Variants in KCNC1 observed in about 807,000 individuals in gnomAD.
KCNC1 encodes the protein potassium voltage-gated channel subfamily C member 1.
A neutral mutation model predicts 43.4 loss-of-function variants in KCNC1; 8 were observed. The ratio of observed to expected loss-of-function variants is 0.18; its 90% CI spans 0.11 to 0.33. The LOEUF (loss-of-function observed/expected upper bound fraction) is 0.33, where lower values mean the gene tolerates loss of function less well. Ranked by LOEUF, KCNC1 falls within the 10% of genes least tolerant of loss-of-function variation. The pLI, the probability that KCNC1 is intolerant of heterozygous loss-of-function variation, is 1.00. For missense variants in KCNC1, 420 were observed against 836.0 expected (o/e 0.50, Z 6.14); for synonymous variants, 361 against 360.5 (o/e 1.00, Z -0.01).
chr11:17,736,621 C>CTG lies in KCNC1; in HGVS notation c.570+52_570+53dup, dbSNP rs774007638. 5.0e-5 allele frequency: 73 copies of CTG among 1,450,018 alleles called. No individual in the cohort carries two copies. In the African/African-American group the frequency reaches 8.0e-4, roughly 16 times the overall value. 89.8% of individuals were successfully genotyped at this position (1,450,018 alleles called of 1,614,324 possible). On this transcript the variant is annotated intron_variant, in intron 1 of 3. Transcript: ENST00000265969. This position sits in a 1 kb window ranked among gnomAD's most constrained non-coding sequence, Gnocchi z 9.3. ...AAGAGCGGGGCGGGAAGGCAGCGTC[C>CTG]TGTGCCTCCCCGCGGGCAGGGGTGG...
Position 17,776,949 on chromosome 11 carries a change from C to T in KCNC1, c.1505-2507C>T. 1.0e-6 allele frequency: 1 copy of T among 985,478 alleles called. No homozygotes were observed. The highest frequency in any genetic ancestry group is 1.2e-6 in the Non-Finnish European group (1 of 829,998). 61.0% of individuals were successfully genotyped at this position (985,478 alleles called of 1,614,324 possible). On this transcript the variant is annotated intron_variant, in intron 2 of 3. Coordinates refer to ENST00000265969, the MANE Select transcript of KCNC1 (RefSeq NM_001112741.2). This position sits in a 1 kb window ranked among gnomAD's most constrained non-coding sequence, Gnocchi z 4.4. ...AGAGCAAGACTTAAGCTTCCCCACC[C>T]AATCATTAGTCCCTCCTCAAAGGTT...
At chr11:17,763,714 C>A (rs1193813382) in intron 1 of KCNC1, among the ~76,000 whole-genome samples, 8 of 128,730 alleles carry the variant, frequency 6.2e-5, no homozygotes, top group African/African-American at 2.0e-4. Context: ...CCACACACAC[C>A]CCCACACACC....
chr11:17,759,137 A>G (rs1218971504), intron 1 of KCNC1, among the ~76,000 whole-genome samples: 1 of 152,240 alleles, frequency 6.6e-6, no homozygotes, highest in Non-Finnish European at 1.5e-5. Context: ...CTCTATCAGC[A>G]TTTGCTGCTT....
intron 1 of KCNC1, among the ~76,000 whole-genome samples, chr11:17,744,606 C>T (rs998484231): frequency 6.6e-6 from 1 of 152,174 alleles, no homozygotes; most frequent in African/African-American, 2.4e-5. Flanking sequence ...CGCTTCCTGC[C>T]CTTAGGGAGC....
chr11:17,747,426 C>A (rs2133784791), intron 1 of KCNC1, among the ~76,000 whole-genome samples: 1 of 152,324 alleles, frequency 6.6e-6, no homozygotes, highest in South Asian at 2.1e-4. Flanking sequence ...AGCACAGGGA[C>A]CTCAGATGCC....
Position 17,779,434 on chromosome 11 carries a change from G to T in KCNC1, c.1505-22G>T. The T allele has an allele frequency of 1.3e-6, 2 of 1,501,904 alleles. No homozygotes were observed. The highest frequency in any genetic ancestry group is 1.8e-6 in the Non-Finnish European group (2 of 1,122,804). 93.0% of individuals were successfully genotyped at this position (1,501,904 alleles called of 1,614,324 possible). A position where few individuals can be genotyped will look rare whatever the true frequency, so the allele number is the denominator to read the frequency against. On this transcript the variant is annotated intron_variant, in intron 2 of 3. Transcript: ENST00000265969. This position sits in a 1 kb window ranked among gnomAD's most constrained non-coding sequence, Gnocchi z 7.2. ...CTAAACAGTTTTCAGTGTCTCAATA[G>T]CTTCTGCTTATATGTTTGAAGATTC...
chr11:17,768,621 G>GC (rs1024671197), intron 1 of KCNC1, among the ~76,000 whole-genome samples: 7 of 151,766 alleles, frequency 4.6e-5, no homozygotes, highest in Admixed American at 1.3e-4. Context: ...GTGGGGGGGG[G>GC]GGCGGTTTGG....
intron 1 of KCNC1, among the ~76,000 whole-genome samples, chr11:17,764,136 C>A (rs964602577): frequency 7.0e-6 from 1 of 141,850 alleles, no homozygotes; most frequent in Admixed American, 7.3e-5. Context: ...CACACACACA[C>A]CCCCCCACAA....
Position 17,781,256 on chromosome 11 carries a change from TCCACAGGAGATACCCATTCCTCAGTC to T in KCNC1, c.1694-409_1694-384del, listed in dbSNP as rs1458876405. ...GCTGGGAGTCCAGCGGTAAGCACTGTCCACAGGAGATACCCATTCCTCAGTCCCACCGAGGCTTAGGTGCCAGAGTC... is the reference window on the plus strand; with the variant it reads ...GCTGGGAGTCCAGCGGTAAGCACTGTCCACCGAGGCTTAGGTGCCAGAGTC... On this transcript the variant is annotated intron_variant, in intron 3 of 3. Transcript: ENST00000265969. This position sits in a 1 kb window ranked among gnomAD's most constrained non-coding sequence, Gnocchi z 5.1. 5.2e-6 allele frequency: 1 copy of T among 193,862 alleles called. No individual in the cohort carries two copies. The highest frequency in any genetic ancestry group is 1.1e-5 in the Non-Finnish European group (1 of 95,052). 12.0% of individuals were successfully genotyped at this position (193,862 alleles called of 1,614,324 possible).
intron 1 of KCNC1, among the ~76,000 whole-genome samples, chr11:17,737,617 C>T (rs1179171744): frequency 6.6e-6 from 1 of 152,160 alleles, no homozygotes; most frequent in African/African-American, 2.4e-5. Context: ...GAACTGGTAG[C>T]AGCCACCCAC....
intron 2 of KCNC1, chr11:17,774,042 C>G: frequency 1.0e-6 from 1 of 985,512 alleles, no homozygotes; most frequent in South Asian, 4.7e-5. Context: ...GGCTTTACCC[C>G]ACAGCTATGC....
chr11:17,760,165 A>G (rs1157734663), intron 1 of KCNC1, among the ~76,000 whole-genome samples: 1 of 152,244 alleles, frequency 6.6e-6, no homozygotes, highest in Non-Finnish European at 1.5e-5. Flanking sequence ...TAATGAAGAA[A>G]AGAAATAGCT....
Position 17,773,230 on chromosome 11 carries a change from ACTT to A in KCNC1, c.1504+633_1504+635del. On this transcript the variant is annotated intron_variant, in intron 2 of 3. Transcript: ENST00000265969. This position sits in a 1 kb window ranked among gnomAD's most constrained non-coding sequence, Gnocchi z 4.1. ...GCCTGTAGCCCTCCGTGACAAGCTT[ACTT>A]ACCCCATAGCATGCTGAACCAACTC... The A allele has an allele frequency of 5.1e-6, 5 of 985,892 alleles. No homozygotes were observed. The Middle Eastern group carries it at 2.6e-3, about 515-fold the overall frequency. The allele number at this position is 985,892 out of a possible 1,614,324, so 61.1% of individuals were successfully genotyped here. A position where few individuals can be genotyped will look rare whatever the true frequency, so the allele number is the denominator to read the frequency against.
chr11:17,744,354 G>A (rs530148475), intron 1 of KCNC1, among the ~76,000 whole-genome samples: 1 of 152,244 alleles, frequency 6.6e-6, no homozygotes, highest in Admixed American at 6.5e-5. Context: ...TCCTGGCAAA[G>A]GTCCTGGCCC....
Position 17,777,437 on chromosome 11 carries a change from C to A in KCNC1, c.1505-2019C>A. 1 of 985,974 alleles carries A rather than the reference C, an allele frequency of 1.0e-6. No homozygotes were observed. The highest frequency in any genetic ancestry group is 1.2e-6 in the Non-Finnish European group (1 of 829,992). The allele number at this position is 985,974 out of a possible 1,614,324, so 61.1% of individuals were successfully genotyped here. A position where few individuals can be genotyped will look rare whatever the true frequency, so the allele number is the denominator to read the frequency against. On this transcript the variant is annotated intron_variant, in intron 2 of 3. Transcript: ENST00000265969. The surrounding 1 kb of genome is among the most constrained non-coding windows in gnomAD (Gnocchi z 4.3). Reference sequence around the variant, plus strand: ...AGGGTGCTATGGGCCTCAACCCCCACATCGTCATCCGCGTCCTCTCCATAC... The same window carrying A: ...AGGGTGCTATGGGCCTCAACCCCCAAATCGTCATCCGCGTCCTCTCCATAC...
rs1018776311 is a variant in KCNC1 at position 17,781,375 on chromosome 11, G to A, written c.1694-295G>A. On this transcript the variant is annotated intron_variant, in intron 3 of 3. Transcript: ENST00000265969. The surrounding 1 kb of genome is among the most constrained non-coding windows in gnomAD (Gnocchi z 5.1). The stretch of plus-strand genomic sequence containing the variant: ...TCGGCCCGCGCTCTCATGGAGCCAC[G>A]ACAGCCGCCGAGGACTTGTTTTTCT... 2 of 367,750 alleles carry A rather than the reference G, an allele frequency of 5.4e-6. No individual in the cohort carries two copies. The highest frequency in any genetic ancestry group is 5.3e-5 in the East Asian group (1 of 18,788). The allele number at this position is 367,750 out of a possible 1,614,324, so 22.8% of individuals were successfully genotyped here. A position where few individuals can be genotyped will look rare whatever the true frequency, so the allele number is the denominator to read the frequency against.
rs576511713 is a variant in KCNC1, at chr11:17,779,147, T to G, written c.1505-309T>G. 212 of 269,730 alleles carry G rather than the reference T, an allele frequency of 7.9e-4. 1 individual carries two copies. The highest frequency in any genetic ancestry group is 3.4e-3 in the East Asian group (46 of 13,638). The allele number at this position is 269,730 out of a possible 1,614,324, so 16.7% of individuals were successfully genotyped here. On this transcript the variant is annotated intron_variant, in intron 2 of 3. Coordinates refer to ENST00000265969, the MANE Select transcript of KCNC1 (RefSeq NM_001112741.2). This position sits in a 1 kb window ranked among gnomAD's most constrained non-coding sequence, Gnocchi z 7.2. ...ACCATCCTGTTTCATCGGCCCTGCT[T>G]GGGGCCCGGGGCCGGCCCCCAGCAC...
In KCNC1 at chr11:17,771,643, C is replaced by T. The variant is rs1849230132; in HGVS notation, c.571-22C>T. 1.3e-6 allele frequency: 2 copies of T among 1,584,732 alleles called. No individual in the cohort carries two copies. Among genetic ancestry groups the T allele is most frequent in the Non-Finnish European group, 1.7e-6 (2 of 1,159,464 alleles). On this transcript the variant is annotated intron_variant, in intron 1 of 3. Coordinates refer to ENST00000265969, the MANE Select transcript of KCNC1 (RefSeq NM_001112741.2). This position sits in a 1 kb window ranked among gnomAD's most constrained non-coding sequence, Gnocchi z 4.7. Reference sequence around the variant, plus strand: ...CCACTCTGGGTGGGCCTCCCTCTGACACTGTGTCTTTATCCCCACAGTATG... The same window carrying T: ...CCACTCTGGGTGGGCCTCCCTCTGATACTGTGTCTTTATCCCCACAGTATG...
chr11:17,756,929 A>G (rs952736250), intron 1 of KCNC1, among the ~76,000 whole-genome samples: 7 of 152,160 alleles, frequency 4.6e-5, no homozygotes, highest in South Asian at 2.1e-4. Context: ...AGTCAGAGAG[A>G]CCTGGTTTCA....
Sources: gnomAD v4.1 joint callset for allele counts (sites outside exome capture counted in the v4.1 genomes callset) on GRCh38, gnomAD v4.1.1 for gene constraint, Gnocchi (gnomAD v3.1) non-coding constraint, MANE v1.5 for transcripts, NCBI Gene and HGNC (gene_info 2026-07-23, HGNC 2026-07-21) for gene names.